Variants in CRAT observed in about 807,000 individuals in gnomAD.
CRAT encodes the protein carnitine acetylase.
Under a neutral mutation model 73.7 loss-of-function variants are expected in CRAT, and 66 were observed. That is an observed-to-expected ratio of 0.90 (90% CI 0.73 to 1.10). The LOEUF (loss-of-function observed/expected upper bound fraction) is 1.10, where lower values mean the gene tolerates loss of function less well. CRAT is among the 50% of genes least tolerant of loss of function. The pLI is 0.00. For missense variants in CRAT, 745 were observed against 846.9 expected (o/e 0.88, Z 1.49); for synonymous variants, 321 against 343.2 (o/e 0.94, Z 0.71).
chr9:129,102,811 G>A (rs1271832807), intron 4 of CRAT, among the ~76,000 whole-genome samples: 3 of 152,168 alleles, frequency 2.0e-5, no homozygotes, highest in Non-Finnish European at 4.4e-5. Context: ...TTTGTCACAG[G>A]GGAGATGAAG....
At chr9:129,105,984 A>G (rs1847989385) in intron 2 of CRAT, among the ~76,000 whole-genome samples, 1 of 152,084 alleles carries the variant, frequency 6.6e-6, no homozygotes, top group African/African-American at 2.4e-5. Context: ...CTTCCTGCAC[A>G]CAGCCAGTAC....
At chr9:129,101,861 C>T in intron 6 of CRAT, 22 bp downstream of exon 6, 1 of 1,610,388 alleles carries the variant, frequency 6.2e-7, no homozygotes, top group Non-Finnish European at 8.5e-7. Context: ...TGTGCAGCCC[C>T]AGCACGGCCC....
Position 129,107,842 on chromosome 9 carries a change from T to G in CRAT, c.263A>C (p.Glu88Ala). 1 of 1,612,878 alleles carries G rather than the reference T, an allele frequency of 6.2e-7. No homozygotes were observed. Among genetic ancestry groups the G allele is most frequent in the East Asian group, 2.2e-5 (1 of 44,872 alleles). The change falls in exon 2 of 14, where the codon GAG becomes GCG. Residue 88 changes from glutamate (E) to alanine (A), a missense_variant. Coordinates refer to ENST00000318080, the MANE Select transcript of CRAT (RefSeq NM_000755.5). The surrounding 1 kb of genome is among the most constrained non-coding windows in gnomAD (Gnocchi z 5.0). Reference protein sequence around the residue: ...GVGERLQKGLERRARKTENWL... With the variant: ...GVGERLQKGLARRARKTENWL... ...GTTCTCCGTCTTCCTGGCCCGACGC[T>G]CCAGCCCCTTCTGCAGGCGCTCCCC...
chr9:129,100,121 G>C lies in CRAT; in HGVS notation c.985-155C>G. On this transcript the variant is annotated intron_variant, in intron 7 of 13. Transcript: ENST00000318080. ...TATTAACAATAGCTGACACTCACCA[G>C]GTGCCCTGGTGTGCTAAGCACATCC... The C allele has an allele frequency of 1.1e-5, 7 of 609,612 alleles. No individual in the cohort carries two copies. In the South Asian group the frequency reaches 1.4e-4, roughly 12 times the overall value. The allele number at this position is 609,612 out of a possible 1,614,324, so 37.8% of individuals were successfully genotyped here.
At position 129,097,282 on chromosome 9, in the gene CRAT, C is replaced by A. The variant is rs2131439159; in HGVS notation, c.1495G>T (p.Ala499Ser). The change falls in exon 12 of 14, where the codon GCC becomes TCC. Residue 499 changes from alanine to serine, a missense_variant. Ala to Ser is a moderately conservative substitution (Grantham distance 99). Coordinates refer to ENST00000318080, the MANE Select transcript of CRAT (RefSeq NM_000755.5). ...EHQKVELLRK[A>S]VQAHRGYTDR... ...GTGTAGCCTCGGTGGGCCTGCACGG[C>A]CTTCCGCAGCAGCTCCACCTTCTGG... 6.4e-7 allele frequency: 1 copy of A among 1,561,400 alleles called. No individual in the cohort carries two copies. The highest frequency in any genetic ancestry group is 8.7e-7 in the Non-Finnish European group (1 of 1,153,340).
At chr9:129,108,577 T>G in intron 1 of CRAT, 1 of 1,067,098 alleles carries the variant, frequency 9.4e-7, no homozygotes, top group Admixed American at 3.8e-5. Flanking sequence ...CCTCCTGCCT[T>G]TGAGATGGGG....
rs1848002713 is a variant in CRAT, at chr9:129,106,145, C to T, written c.291+1669G>A. 6.6e-6 allele frequency among the ~76,000 whole-genome samples: 1 copy of T among 151,956 alleles called. No homozygotes were observed. Among genetic ancestry groups the T allele is most frequent in the South Asian group, 2.1e-4 (1 of 4,814 alleles). ...TTGGCAAGGGGTGAGGGGGAGGCAA[C>T]TTGGCAAGGGGTGAGGGGGAGGCAA... On this transcript the variant is annotated intron_variant, in intron 2 of 13. Coordinates refer to ENST00000318080, the MANE Select transcript of CRAT (RefSeq NM_000755.5). The surrounding 1 kb of genome is among the most constrained non-coding windows in gnomAD (Gnocchi z 4.0).
At chr9:129,100,806 G>T in intron 6 of CRAT, 117 bp from the exon 7 acceptor site, 1 of 1,245,878 alleles carries the variant, frequency 8.0e-7, no homozygotes, top group Non-Finnish European at 1.1e-6. Context: ...TACCTCTCTG[G>T]GATGAGGAGA....
At chr9:129,100,795 G>A in intron 6 of CRAT, 106 bp from the exon 7 acceptor site, 3 of 1,375,322 alleles carry the variant, frequency 2.2e-6, no homozygotes, top group Middle Eastern at 2.1e-4. Context: ...TGACCCATTT[G>A]TACCTCTCTG....
intron 12 of CRAT, 141 bp downstream of exon 12, chr9:129,097,109 G>T: frequency 1.6e-6 from 1 of 634,126 alleles, no homozygotes; most frequent in Non-Finnish European, 2.6e-6. Flanking sequence ...ATTCAGCCTG[G>T]CTCCAGGTGC....
At position 129,104,244 on chromosome 9, in the gene CRAT, C is replaced by A. The variant is rs2228304; in HGVS notation, c.354G>T (p.Ser118=). ...LQYRQPVVIY[S]SPGVMLPKQD... is the part of the protein sequence containing the mutation. ...GCTTGGGTAGCATCACGCCTGGGCTCGAGTAGATGACCACAGGCTGGCGGT... is the reference window on the plus strand; with the variant it reads ...GCTTGGGTAGCATCACGCCTGGGCTAGAGTAGATGACCACAGGCTGGCGGT... The change falls in exon 3 of 14, where the codon TCG becomes TCT. Residue 118 remains serine, a synonymous_variant. Coordinates refer to ENST00000318080, the MANE Select transcript of CRAT (RefSeq NM_000755.5). 1.9e-6 allele frequency: 3 copies of A among 1,613,174 alleles called. No homozygotes were observed. Among genetic ancestry groups the A allele is most frequent in the Non-Finnish European group, 8.5e-7 (1 of 1,179,720 alleles).
Position 129,095,282 on chromosome 9 carries a change from G to T in CRAT, c.*115C>A. The T allele has an allele frequency of 8.7e-7, 1 of 1,147,042 alleles. No individual in the cohort carries two copies. 71.1% of individuals were successfully genotyped at this position (1,147,042 alleles called of 1,614,324 possible). On this transcript the variant is annotated 3_prime_UTR_variant, in exon 14 of 14. Transcript: ENST00000318080. ...TGCGGTCCGTGGCTCAGTAGATTTG[G>T]GGGGACCAGGGAAGAGGGAACCAAG...
At position 129,096,032 on chromosome 9, in the gene CRAT, G is replaced by C; in HGVS notation, c.1631C>G (p.Ala544Gly). 1 of 1,614,076 alleles carries C rather than the reference G, an allele frequency of 6.2e-7. No individual in the cohort carries two copies. Among genetic ancestry groups the C allele is most frequent in the East Asian group, 2.2e-5 (1 of 44,878 alleles). Residue 544 changes from alanine (A) to glycine (G), a missense_variant, in exon 13 of 14, where the codon GCC (alanine) becomes GGC (glycine). Physicochemically the swap from Ala to Gly is moderately conservative, Grantham distance 60 (BLOSUM62 0). Transcript: ENST00000318080. Reference sequence around the variant, plus strand: ...GGAGAGGTGGAAGTGCATGGCGATGGCGTAGGAGGTGTCCATGAAGATGTC... The same window carrying C: ...GGAGAGGTGGAAGTGCATGGCGATGCCGTAGGAGGTGTCCATGAAGATGTC... ...MPDIFMDTSY[A>G]IAMHFHLSTS... is the part of the protein sequence containing the mutation.
intron 11 of CRAT, chr9:129,097,757 T>C (rs1847373706): frequency 5.9e-6 from 3 of 509,430 alleles, no homozygotes; most frequent in Non-Finnish European, 1.0e-5. Context: ...ACCAACTCCT[T>C]GGTCCTCAGC....
Position 129,102,562 on chromosome 9 carries a change from C to T in CRAT, c.468G>A (p.Glu156=). The T allele has an allele frequency of 3.1e-6, 5 of 1,614,018 alleles. No individual in the cohort carries two copies. The highest frequency in any genetic ancestry group is 4.2e-6 in the Non-Finnish European group (5 of 1,179,970). Residue 156 remains glutamate (E), a synonymous_variant, in exon 5 of 14, where the codon GAG becomes GAA. Transcript: ENST00000318080. ...CCCCCAGGTACTCCACGGGCAGGGT[C>T]TCGCTATGGGGTAGAGGGGCAGTGA... ...VLDFKVMIDN[E]TLPVEYLGGK...
At chr9:129,105,669 G>T (rs1847971847) in intron 2 of CRAT, among the ~76,000 whole-genome samples, 1 of 152,182 alleles carries the variant, frequency 6.6e-6, no homozygotes, top group Non-Finnish European at 1.5e-5. Context: ...GTCCAAGGAG[G>T]CAGGAGACTG....
Position 129,099,888 on chromosome 9 carries a change from G to A in CRAT, c.1063C>T (p.Leu355=), listed in dbSNP as rs1415932432. 6.2e-7 allele frequency: 1 copy of A among 1,613,764 alleles called. No homozygotes were observed. Among genetic ancestry groups the A allele is most frequent in the Admixed American group, 1.7e-5 (1 of 60,024 alleles). Residue 355 remains leucine, a synonymous_variant, in exon 8 of 14, where the codon CTG becomes TTG. Transcript: ENST00000318080. ...CACGTGTACTCGATGACATAGTCCAGAAGGGTGACAATAGGGGGCCCCTCC... is the reference window on the plus strand; with the variant it reads ...CACGTGTACTCGATGACATAGTCCAAAAGGGTGACAATAGGGGGCCCCTCC... ...AAEGPPIVTL[L]DYVIEYTKKP...
At chr9:129,109,887 G>C (rs1047829747) in intron 1 of CRAT, among the ~76,000 whole-genome samples, 7 of 146,418 alleles carry the variant, frequency 4.8e-5, no homozygotes, top group African/African-American at 1.8e-4. Context: ...GGCTAGAGGG[G>C]AGGATATAGC....
chr9:129,100,484 A>G, intron 7 of CRAT, 27 bp downstream of exon 7: 2 of 1,599,366 alleles, frequency 1.3e-6, no homozygotes, highest in Non-Finnish European at 8.5e-7. Context: ...GGTGTGTGTG[A>G]GTGGGCGAAG....
Sources: gnomAD v4.1 joint callset for allele counts (sites outside exome capture counted in the v4.1 genomes callset) on GRCh38, gnomAD v4.1.1 for gene constraint, Gnocchi (gnomAD v3.1) non-coding constraint, MANE v1.5 for transcripts, NCBI Gene and HGNC (gene_info 2026-07-23, HGNC 2026-07-21) for gene names.